Variants in CD2AP observed in about 807,000 individuals in gnomAD.
CD2AP encodes the protein CD2 associated protein.
CD2AP carries 46 observed loss-of-function variants against 85.1 expected under a neutral mutation model. The ratio of observed to expected loss-of-function variants is 0.54; its 90% CI spans 0.43 to 0.69. The LOEUF (loss-of-function observed/expected upper bound fraction) is 0.69, where lower values mean the gene tolerates loss of function less well. Ranked by LOEUF, CD2AP falls within the 30% of genes least tolerant of loss-of-function variation. The pLI is 0.00. For synonymous variants in CD2AP, 255 were observed against 252.9 expected, an observed-to-expected ratio of 1.01 and a Z score of -0.08; for missense variants, 769 against 729.5, an observed-to-expected ratio of 1.05 and a Z score of -0.62.
chr6:47,520,233 G>A (rs1243894459), intron 2 of CD2AP, among the ~76,000 whole-genome samples: 1 of 152,194 alleles, frequency 6.6e-6, no homozygotes, highest in Non-Finnish European at 1.5e-5. Flanking sequence ...ATTAAAAGCT[G>A]AAGATTTGTG....
chr6:47,580,092 C>T (rs1203604516), intron 9 of CD2AP, among the ~76,000 whole-genome samples: 2 of 152,138 alleles, frequency 1.3e-5, no homozygotes, highest in African/African-American at 4.8e-5. Flanking sequence ...TAGGTTTAAG[C>T]CAATGCATAA....
Position 47,573,997 on chromosome 6 carries a change from T to A in CD2AP, c.542-67T>A. The A allele has an allele frequency of 3.7e-6, 5 of 1,339,370 alleles. No homozygotes were observed. The African/African-American group carries it at 4.3e-5, about 12-fold the overall frequency. The allele number at this position is 1,339,370 out of a possible 1,614,324, so 83.0% of individuals were successfully genotyped here. ...TTAGAAGGCATATAGAATGTAGACA[T>A]TATGACAGGATGTCAAGCGTTTTGT... On this transcript the variant is annotated intron_variant, in intron 5 of 17. Coordinates refer to ENST00000359314, the MANE Select transcript of CD2AP (RefSeq NM_012120.3).
At chr6:47,603,391 T>C (rs1006612232) in intron 13 of CD2AP, among the ~76,000 whole-genome samples, 2 of 152,068 alleles carry the variant, frequency 1.3e-5, no homozygotes, top group African/African-American at 4.8e-5. Context: ...AAAACTTGAC[T>C]AAAAGTTGAT....
chr6:47,487,155 T>C (rs1469454455), intron 1 of CD2AP, among the ~76,000 whole-genome samples: 4 of 152,196 alleles, frequency 2.6e-5, no homozygotes, highest in African/African-American at 9.6e-5. Context: ...CATTTTTACT[T>C]ACCTACTAAT....
rs1162276194 is a variant in CD2AP, at chr6:47,505,614, C to CG, written c.165+2182dup. Among the ~76,000 whole-genome samples, 505 of 52,426 alleles carry CG rather than the reference C, an allele frequency of 9.6e-3. 22 individuals carry two copies. The highest frequency in any genetic ancestry group is 0.031 in the African/African-American group (408 of 12,990). The allele number at this position is 52,426 out of a possible 152,430, so 34.4% of individuals were successfully genotyped here. On this transcript the variant is annotated intron_variant, in intron 2 of 17. Transcript: ENST00000359314. ...CTCCCGGACGGGGCGGCTGGCCGGG[C>CG]GGGGGGGGCTGACCCCCCCCACCTC...
At chr6:47,575,552 T>C (rs1233688621) in intron 6 of CD2AP, among the ~76,000 whole-genome samples, 1 of 152,120 alleles carries the variant, frequency 6.6e-6, no homozygotes, top group Non-Finnish European at 1.5e-5. Flanking sequence ...CACCACAATA[T>C]GGTGTTTAGA....
intron 3 of CD2AP, among the ~76,000 whole-genome samples, chr6:47,543,180 A>AAG (rs1767275826): frequency 1.4e-5 from 2 of 141,192 alleles, no homozygotes; most frequent in Non-Finnish European, 1.5e-5. Context: ...AAAGAAAAAG[A>AAG]AAAAAGAAAA....
At chr6:47,546,693 T>G (rs1408856120) in intron 4 of CD2AP, among the ~76,000 whole-genome samples, 1 of 152,202 alleles carries the variant, frequency 6.6e-6, no homozygotes, top group African/African-American at 2.4e-5. Flanking sequence ...CTGGGAAATT[T>G]ATCACAAAAA....
At chr6:47,624,135 T>C in intron 17 of CD2AP, 51 bp from the exon 18 acceptor site, 1 of 1,405,142 alleles carries the variant, frequency 7.1e-7, no homozygotes, top group Non-Finnish European at 1.0e-6. Flanking sequence ...TAAAATAAAC[T>C]ACTAAACTAA....
rs980508730 is a variant in CD2AP at position 47,626,975 on chromosome 6, A to G, written c.*2748A>G. 1.3e-5 allele frequency: 2 copies of G among 152,440 alleles called. No homozygotes were observed. Among genetic ancestry groups the G allele is most frequent in the African/African-American group, 2.4e-5 (1 of 41,416 alleles). 9.4% of individuals were successfully genotyped at this position (152,440 alleles called of 1,614,324 possible). A position where few individuals can be genotyped will look rare whatever the true frequency, so the allele number is the denominator to read the frequency against. On this transcript the variant is annotated 3_prime_UTR_variant, in exon 18 of 18. Transcript: ENST00000359314. ...AAAATTTTACCCTGACTTGCTTTCAATAACTGTTACGTAATGCAGTTGATG... is the reference window on the plus strand; with the variant it reads ...AAAATTTTACCCTGACTTGCTTTCAGTAACTGTTACGTAATGCAGTTGATG...
At chr6:47,586,896 A>G (rs1768644894) in intron 11 of CD2AP, among the ~76,000 whole-genome samples, 1 of 152,164 alleles carries the variant, frequency 6.6e-6, no homozygotes, top group Non-Finnish European at 1.5e-5. Flanking sequence ...ATTTTTTTGT[A>G]TATAGGTTAA....
intron 2 of CD2AP, among the ~76,000 whole-genome samples, chr6:47,527,281 C>T (rs1766756505): frequency 6.6e-6 from 1 of 152,176 alleles, no homozygotes; most frequent in African/African-American, 2.4e-5. Context: ...GTTGTTGCTG[C>T]TCTTGGTCTG....
chr6:47,489,790 C>T (rs1016052642), intron 1 of CD2AP, among the ~76,000 whole-genome samples: 6 of 152,046 alleles, frequency 3.9e-5, no homozygotes, highest in East Asian at 3.9e-4. Flanking sequence ...TTTTAAAACT[C>T]GTCCTCTTAA....
intron 2 of CD2AP, among the ~76,000 whole-genome samples, chr6:47,504,680 T>A (rs111463166): frequency 7.2e-6 from 1 of 139,528 alleles, no homozygotes; most frequent in Non-Finnish European, 1.6e-5. Context: ...GCTACAGGGG[T>A]ACCTTGGAGA....
intron 2 of CD2AP, among the ~76,000 whole-genome samples, chr6:47,506,425 C>CA (rs1562007520): frequency 6.5e-5 from 2 of 30,786 alleles, no homozygotes; most frequent in Non-Finnish European, 1.5e-4. Context: ...GCTGCAATCT[C>CA]GGCACTTTGG....
chr6:47,496,879 G>T (rs1407936265), intron 1 of CD2AP, among the ~76,000 whole-genome samples: 1 of 151,928 alleles, frequency 6.6e-6, no homozygotes, highest in Non-Finnish European at 1.5e-5. Context: ...ACATAGTAAG[G>T]GTTTATACTT....
At chr6:47,528,331 C>T (rs770754810) in intron 2 of CD2AP, among the ~76,000 whole-genome samples, 4 of 152,080 alleles carry the variant, frequency 2.6e-5, no homozygotes, top group Admixed American at 2.0e-4. Context: ...TGTGCCACTA[C>T]GCCTGGCTAA....
rs560006896 is a variant in CD2AP, at chr6:47,554,653, A to G, written c.428A>G (p.Glu143Gly). The change falls in exon 5 of 18, where the codon GAA becomes GGA. Residue 143 changes from glutamate to glycine, a missense_variant. Glu to Gly is a moderately conservative substitution (Grantham distance 98). Transcript: ENST00000359314. ...DIIDINEEVE[E>G]GWWSGTLNNK... ...AATTGTGAACTTTTTCAGGTAGAAG[A>G]AGGCTGGTGGAGTGGAACCCTGAAT... 2 of 1,613,702 alleles carry G rather than the reference A, an allele frequency of 1.2e-6. No homozygotes were observed. The highest frequency in any genetic ancestry group is 2.2e-5 in the East Asian group (1 of 44,804).
chr6:47,621,684 T>A (rs1213268891), intron 17 of CD2AP, among the ~76,000 whole-genome samples: 1 of 152,180 alleles, frequency 6.6e-6, no homozygotes, highest in East Asian at 1.9e-4. Context: ...GGGCTTTTTT[T>A]TGTTGGTAAT....
Sources: gnomAD v4.1 joint callset for allele counts (sites outside exome capture counted in the v4.1 genomes callset) on GRCh38, gnomAD v4.1.1 for gene constraint, MANE v1.5 for transcripts, NCBI Gene and HGNC (gene_info 2026-07-23, HGNC 2026-07-21) for gene names.